The following MACF1 variants were observed in gnomAD, a reference collection of about 807,000 sequenced individuals.
The protein encoded by MACF1 is microtubule-actin cross-linking factor 1.
MACF1 carries 193 observed loss-of-function variants against 854.8 expected under a neutral mutation model. The ratio of observed to expected loss-of-function variants is 0.23; its 90% confidence interval spans 0.20 to 0.25. The LOEUF (loss-of-function observed/expected upper bound fraction) is 0.25. MACF1 is among the 10% of genes least tolerant of loss of function. MACF1 has a pLI of 1.00. For missense variants in MACF1, 7,722 were observed against 8,929.1 expected (o/e 0.86, Z 5.45); for synonymous variants, 3,185 against 3,226.7 (o/e 0.99, Z 0.44).
chr1:39,291,927 A>G lies in MACF1; in HGVS notation c.1803A>G (p.Ala601=), dbSNP rs1341563324. 1.1e-5 allele frequency: 17 copies of G among 1,613,824 alleles called. No homozygotes were observed. The highest frequency in any genetic ancestry group is 1.4e-5 in the Non-Finnish European group (17 of 1,179,942). Residue 601 remains alanine (A), a synonymous_variant, in exon 16 of 101, where the codon GCA becomes GCG. Coordinates refer to ENST00000564288, the MANE Select transcript of MACF1 (RefSeq NM_001394062.1). ...TTTTTCAGATGAAACTGGAGCGAGC[A>G]GAGTGGGGCAATGACCTGCCTAGTG... ...VEEMQMKLER[A]EWGNDLPSVE...
intron 2 of MACF1, among the ~76,000 whole-genome samples, chr1:39,118,140 G>T (rs1642594334): frequency 6.6e-6 from 1 of 152,282 alleles, no homozygotes; most frequent in South Asian, 2.1e-4. Flanking sequence ...TGCCTGGAAG[G>T]CTTGGCTCTT....
At chr1:39,436,153 C>A in intron 70 of MACF1, 2 of 418,126 alleles carry the variant, frequency 4.8e-6, no homozygotes, top group Non-Finnish European at 8.5e-6. Flanking sequence ...CTTAAGCAAC[C>A]AGCTAACTCA....
chr1:39,213,105 C>A (rs541571272), intron 1 of MACF1, among the ~76,000 whole-genome samples: 3 of 152,242 alleles, frequency 2.0e-5, no homozygotes, highest in South Asian at 2.1e-4. Flanking sequence ...AGTTATTTAA[C>A]CTTTTAAAGT....
chr1:39,232,930 G>C (rs1167707346), intron 2 of MACF1, among the ~76,000 whole-genome samples: 1 of 151,962 alleles, frequency 6.6e-6, no homozygotes, highest in East Asian at 1.9e-4. Context: ...CTACAGGCAT[G>C]CACTACCACA....
At chr1:39,379,989 G>T (rs1353142071) in intron 54 of MACF1, among the ~76,000 whole-genome samples, 2 of 152,062 alleles carry the variant, frequency 1.3e-5, no homozygotes, top group Admixed American at 6.6e-5. Flanking sequence ...AGTTTATTTT[G>T]ATTAATAATT....
intron 2 of MACF1, among the ~76,000 whole-genome samples, chr1:39,142,131 C>A (rs537711154): frequency 6.6e-6 from 1 of 152,306 alleles, no homozygotes; most frequent in East Asian, 1.9e-4. Flanking sequence ...TCCTCCACAG[C>A]TGCCTCACAT....
chr1:39,288,222 G>A (rs1030784643), intron 15 of MACF1, among the ~76,000 whole-genome samples: 1 of 152,250 alleles, frequency 6.6e-6, no homozygotes, highest in South Asian at 2.1e-4. Context: ...CTGGGTGCCG[G>A]GTGCAGTGGC....
chr1:39,199,712 A>G (rs542431667), upstream of MACF1, among the ~76,000 whole-genome samples: 33 of 152,336 alleles, frequency 2.2e-4, 1 homozygote, highest in African/African-American at 7.9e-4. Context: ...ATCTTCTTCG[A>G]CCATCACAGC....
intron 58 of MACF1, chr1:39,410,716 T>A: frequency 2.5e-6 from 4 of 1,613,900 alleles, no homozygotes; most frequent in Non-Finnish European, 3.4e-6. Flanking sequence ...GATAGAAGCT[T>A]CTCTCAGTGA....
In MACF1 at chr1:39,361,532, G is replaced by A. The variant is rs1330733731; in HGVS notation, c.12626G>A (p.Ser4209Asn). 6 of 1,614,158 alleles carry A rather than the reference G, an allele frequency of 3.7e-6. No individual in the cohort carries two copies. The highest frequency in any genetic ancestry group is 5.1e-6 in the Non-Finnish European group (6 of 1,180,038). The change falls in exon 49 of 101, where the codon AGC becomes AAC. Residue 4209 changes from serine (S) to asparagine (N), a missense_variant. This residue lies in a region of MACF1 where 2,807 missense variants were observed against 3,235.8 expected (regional missense o/e 0.87). Coordinates refer to ENST00000564288, the MANE Select transcript of MACF1 (RefSeq NM_001394062.1). ...TGTCTACAGCAGCAAGAAAAGGAGA[G>A]CTCCCTAAAGAAGCTTCTACCCCAG... The part of the protein sequence containing the change: ...QLCLQQQEKE[S>N]SLKKLLPQAE...
intron 95 of MACF1, among the ~76,000 whole-genome samples, chr1:39,467,477 A>G (rs1644694689): frequency 6.6e-6 from 1 of 152,170 alleles, no homozygotes; most frequent in South Asian, 2.1e-4. Context: ...TGTTTTGGAA[A>G]CTCTGCATAC....
At chr1:39,282,424 T>G in intron 7 of MACF1, 50 bp downstream of exon 7, 1 of 1,552,752 alleles carries the variant, frequency 6.4e-7, no homozygotes, top group South Asian at 1.2e-5. Context: ...TCTCATCTCT[T>G]GTTTGTAATT....
Position 39,257,715 on chromosome 1 carries a change from G to A in MACF1, c.436-221G>A, listed in dbSNP as rs1645113251. 3 of 494,632 alleles carry A rather than the reference G, an allele frequency of 6.1e-6. No homozygotes were observed. The Admixed American group carries it at 1.1e-4, about 18-fold the overall frequency. The allele number at this position is 494,632 out of a possible 1,614,324, so 30.6% of individuals were successfully genotyped here. A position where few individuals can be genotyped will look rare whatever the true frequency, so the allele number is the denominator to read the frequency against. Reference sequence around the variant, plus strand: ...TTGTCAGGAATTAGGGGTGAGAGTAGGGTTTGATTACAAGGAGGGGGCCAG... The same window carrying A: ...TTGTCAGGAATTAGGGGTGAGAGTAAGGTTTGATTACAAGGAGGGGGCCAG... On this transcript the variant is annotated intron_variant, in intron 5 of 100. Transcript: ENST00000564288.
At chr1:39,381,463 C>T (rs1202618133) in intron 55 of MACF1, among the ~76,000 whole-genome samples, 1 of 149,866 alleles carries the variant, frequency 6.7e-6, no homozygotes, top group Non-Finnish European at 1.5e-5. Flanking sequence ...ACTTCCCTGG[C>T]TCAAGCAATC....
In MACF1 at chr1:39,102,743, C is replaced by T. The variant is rs1378784406; in HGVS notation, c.220+18305C>T. On this transcript the variant is annotated intron_variant, in intron 2 of 93. Coordinates refer to the MACF1 transcript ENST00000361689. ...CATCCTTCTGCTTCCCCCATTGCAG[C>T]CTTCTTAGAAATGCAGCAGCAGTCT... 4.3e-6 allele frequency: 3 copies of T among 702,216 alleles called. No individual in the cohort carries two copies. The African/African-American group carries it at 5.2e-5, about 12-fold the overall frequency. 43.5% of individuals were successfully genotyped at this position (702,216 alleles called of 1,614,324 possible).
At chr1:39,435,526 A>T in intron 69 of MACF1, 32 bp from the exon 70 acceptor site, 1 of 1,532,476 alleles carries the variant, frequency 6.5e-7, no homozygotes, top group Non-Finnish European at 9.0e-7. Context: ...GTATAAAAGT[A>T]CTCATTATGG....
intron 1 of MACF1, among the ~76,000 whole-genome samples, chr1:39,225,462 C>T (rs1274078624): frequency 6.6e-6 from 1 of 151,854 alleles, no homozygotes; most frequent in African/African-American, 2.4e-5. Flanking sequence ...ATGATCCACC[C>T]GCCTCGGCCT....
chr1:39,359,684 A>G (rs1366311149), intron 47 of MACF1, among the ~76,000 whole-genome samples: 4 of 151,946 alleles, frequency 2.6e-5, no homozygotes, highest in Non-Finnish European at 5.9e-5. Context: ...AATATATCGT[A>G]TACAGGCCGG....
chr1:39,276,212 A>C (rs979655161), intron 6 of MACF1, among the ~76,000 whole-genome samples: 1 of 151,998 alleles, frequency 6.6e-6, no homozygotes, highest in Non-Finnish European at 1.5e-5. Context: ...GAGCCACTGC[A>C]CCCAGCCCTC....
Sources: allele counts gnomAD v4.1 joint callset (sites outside exome capture counted in the v4.1 genomes callset), GRCh38; gene constraint gnomAD v4.1.1; regional missense constraint gnomAD v4.1.1; transcripts MANE v1.5; gene names NCBI Gene and HGNC (gene_info 2026-07-23, HGNC 2026-07-21).